Variants in GRID2 observed in about 807,000 individuals in gnomAD.
GRID2 encodes glutamate receptor ionotropic, delta-2.
GRID2 carries 33 observed loss-of-function variants against 114.8 expected under a neutral mutation model. The observed-to-expected ratio is 0.29, with a 90% CI of 0.22 to 0.38. GRID2 has a LOEUF of 0.38. GRID2 is among the 10% of genes least tolerant of loss of function. GRID2 has a pLI of 1.00. For synonymous variants in GRID2, 505 were observed against 449.9 expected (o/e 1.12, Z -1.55); for missense variants, 1,184 against 1,257.7 (o/e 0.94, Z 0.89).
chr4:92,551,369 T>C (rs1337540653), intron 1 of GRID2, among the ~76,000 whole-genome samples: 1 of 152,110 alleles, frequency 6.6e-6, no homozygotes, highest in Non-Finnish European at 1.5e-5. Flanking sequence ...AAGTATTATG[T>C]GCAAATGTAT....
intron 1 of GRID2, among the ~76,000 whole-genome samples, chr4:93,796,839 C>T (rs1280659287): frequency 1.3e-5 from 2 of 152,176 alleles, no homozygotes; most frequent in African/African-American, 2.4e-5. Context: ...AGCCACTGCA[C>T]CCAGCCAGTC....
intron 8 of GRID2, among the ~76,000 whole-genome samples, chr4:93,290,231 T>G (rs1368343517): frequency 6.6e-6 from 1 of 152,160 alleles, no homozygotes; most frequent in Non-Finnish European, 1.5e-5. Context: ...GATACTAATG[T>G]TCGGTTTAGT....
intron 1 of GRID2, among the ~76,000 whole-genome samples, chr4:93,783,796 G>T (rs544304953): frequency 6.6e-6 from 1 of 152,158 alleles, no homozygotes; most frequent in Non-Finnish European, 1.5e-5. Flanking sequence ...CCCTTGGCCG[G>T]GCGCGGTGGC....
At chr4:93,126,658 C>T (rs1436430582) in intron 4 of GRID2, among the ~76,000 whole-genome samples, 12 of 117,146 alleles carry the variant, frequency 1.0e-4, no homozygotes, top group African/African-American at 3.0e-4. Flanking sequence ...AGTGCAGTGG[C>T]GCGATCTCGG....
At chr4:92,861,758 A>G (rs1744548810) in intron 2 of GRID2, among the ~76,000 whole-genome samples, 2 of 152,010 alleles carry the variant, frequency 1.3e-5, no homozygotes, top group Admixed American at 6.6e-5. Flanking sequence ...AGAAGTAACT[A>G]ATCAGACTAC....
chr4:92,947,016 G>T (rs1356280622), intron 2 of GRID2, among the ~76,000 whole-genome samples: 1 of 152,028 alleles, frequency 6.6e-6, no homozygotes, highest in Non-Finnish European at 1.5e-5. Flanking sequence ...CAAGTCAATA[G>T]TTTCTGAAAG....
At chr4:92,835,341 T>C (rs1685831328) in intron 2 of GRID2, among the ~76,000 whole-genome samples, 2 of 152,082 alleles carry the variant, frequency 1.3e-5, no homozygotes, top group Non-Finnish European at 2.9e-5. Flanking sequence ...AATGAAGACA[T>C]TGAATAATAA....
chr4:92,997,174 G>A (rs1384900923), intron 2 of GRID2, among the ~76,000 whole-genome samples: 1 of 152,122 alleles, frequency 6.6e-6, no homozygotes, highest in Non-Finnish European at 1.5e-5. Context: ...GCAACATTTA[G>A]GCTTAACACT....
intron 2 of GRID2, among the ~76,000 whole-genome samples, chr4:92,951,698 C>T (rs1026774172): frequency 6.6e-6 from 1 of 152,124 alleles, no homozygotes; most frequent in Non-Finnish European, 1.5e-5. Context: ...CATGCCAAGC[C>T]ATTAGTTTTG....
At chr4:93,189,810 CACACAA>C (rs751929795) in intron 4 of GRID2, among the ~76,000 whole-genome samples, 36 of 130,102 alleles carry the variant, frequency 2.8e-4, no homozygotes, top group East Asian at 2.0e-3. Context: ...CACACACACA[CACACAA>C]ATCTCATCTT....
intron 1 of GRID2, among the ~76,000 whole-genome samples, chr4:92,367,921 AC>A (rs149307789): frequency 0.097 from 14,708 of 152,026 alleles, 724 homozygotes; most frequent in Middle Eastern, 0.13. Flanking sequence ...AAATTGTAGC[AC>A]CCTGGACCCC....
At chr4:92,328,993 A>G (rs1052535618) in intron 1 of GRID2, among the ~76,000 whole-genome samples, 2 of 151,972 alleles carry the variant, frequency 1.3e-5, no homozygotes, top group African/African-American at 4.8e-5. Context: ...TTTTTAAATA[A>G]TTTACTCTCT....
At chr4:92,398,035 A>G (rs1482457181) in intron 1 of GRID2, among the ~76,000 whole-genome samples, 1 of 152,148 alleles carries the variant, frequency 6.6e-6, no homozygotes, top group Non-Finnish European at 1.5e-5. Context: ...CTTACCTTAC[A>G]AATATGCTGG....
intron 3 of GRID2, among the ~76,000 whole-genome samples, chr4:93,104,229 A>G (rs1731980267): frequency 6.6e-6 from 1 of 152,166 alleles, no homozygotes; most frequent in African/African-American, 2.4e-5. Context: ...ATATAGTTCT[A>G]TGTTAGTTTC....
intron 9 of GRID2, among the ~76,000 whole-genome samples, chr4:93,414,701 A>G (rs183344288): frequency 6.7e-6 from 1 of 150,026 alleles, no homozygotes; most frequent in Admixed American, 6.6e-5. Context: ...ATATATATAT[A>G]TATATTTCCT....
chr4:93,195,583 G>A (rs1271697936), intron 4 of GRID2, among the ~76,000 whole-genome samples: 3 of 152,170 alleles, frequency 2.0e-5, no homozygotes, highest in Non-Finnish European at 2.9e-5. Context: ...CAGCACTTGA[G>A]GTGGGACATG....
At chr4:93,387,317 A>C (rs985129295) in intron 8 of GRID2, among the ~76,000 whole-genome samples, 1 of 152,168 alleles carries the variant, frequency 6.6e-6, no homozygotes, top group African/African-American at 2.4e-5. Context: ...AACTTATTTT[A>C]TTCTCTCCAG....
At chr4:92,745,862 T>C (rs572169624) in intron 2 of GRID2, among the ~76,000 whole-genome samples, 2 of 152,200 alleles carry the variant, frequency 1.3e-5, no homozygotes, top group Non-Finnish European at 1.5e-5. Context: ...AAATAAGTGA[T>C]ATAAAAGAAA....
At chr4:92,311,000 T>G (rs1725677370) in intron 1 of GRID2, among the ~76,000 whole-genome samples, 1 of 152,124 alleles carries the variant, frequency 6.6e-6, no homozygotes, top group South Asian at 2.1e-4. Flanking sequence ...TCAGGTATTC[T>G]GGATAACTAG....
Sources: allele counts gnomAD v4.1 joint callset (sites outside exome capture counted in the v4.1 genomes callset), GRCh38; gene constraint gnomAD v4.1.1; transcripts MANE v1.5; gene names NCBI Gene and HGNC (gene_info 2026-07-23, HGNC 2026-07-21).